The following MAP3K5 variants were observed in gnomAD, a reference collection of about 807,000 sequenced individuals.
MAP3K5 encodes mitogen-activated protein kinase kinase kinase 5.
A neutral mutation model predicts 158.7 loss-of-function variants in MAP3K5; 56 were observed. That is an observed-to-expected ratio of 0.35 (90% CI 0.28 to 0.44). The LOEUF is 0.44. MAP3K5 is among the 20% of genes least tolerant of loss of function. The probability of loss-of-function intolerance (pLI) is 1.00; values close to 1 mark genes in which losing one functional copy is unlikely to be tolerated. For missense variants in MAP3K5, 1,294 were observed against 1,674.8 expected (o/e 0.77, Z 3.97); for synonymous variants, 579 against 601.7 (o/e 0.96, Z 0.55).
intron 14 of MAP3K5, among the ~76,000 whole-genome samples, chr6:136,635,739 A>G (rs1055280959): frequency 6.6e-6 from 1 of 150,856 alleles, no homozygotes; most frequent in African/African-American, 2.4e-5. Context: ...AAAAAAAAAA[A>G]AAAAAAAAAA....
At chr6:136,610,886 G>A (rs939883517) in intron 18 of MAP3K5, among the ~76,000 whole-genome samples, 1 of 151,510 alleles carries the variant, frequency 6.6e-6, no homozygotes, top group African/African-American at 2.4e-5. Context: ...CAGGTATATC[G>A]CTTGAGCCCA....
At chr6:136,641,990 CAAAAT>C (rs1248841307) in intron 12 of MAP3K5, among the ~76,000 whole-genome samples, 31 of 93,532 alleles carry the variant, frequency 3.3e-4, no homozygotes, top group African/African-American at 1.1e-3. Flanking sequence ...CTCTGTCTCA[CAAAAT>C]AAAATAAAAT....
chr6:136,687,492 A>G lies in MAP3K5; in HGVS notation c.1253+6648T>C, dbSNP rs62422105. Among the ~76,000 whole-genome samples, 670 of 152,332 alleles carry G rather than the reference A, an allele frequency of 4.4e-3. 1 individual carries two copies. Among genetic ancestry groups the G allele is most frequent in the Non-Finnish European group, 6.1e-3 (413 of 68,028 alleles). On this transcript the variant is annotated intron_variant, in intron 7 of 29. Transcript: ENST00000359015. ...TACCATCAGAATGAACAGGAAACCT[A>G]CAGAATGGGAGAAAATTTTTGCTAT...
intron 2 of MAP3K5, among the ~76,000 whole-genome samples, chr6:136,705,690 A>C (rs1781046141): frequency 1.3e-5 from 2 of 152,194 alleles, no homozygotes; most frequent in South Asian, 4.1e-4. Flanking sequence ...CAAAACAAAA[A>C]ACCAGCACTA....
At position 136,557,499 on chromosome 6, in the gene MAP3K5, A is replaced by C. The variant is rs1304371522; in HGVS notation, c.*259T>G. 3.0e-6 allele frequency: 1 copy of C among 336,570 alleles called. No homozygotes were observed. Among genetic ancestry groups the C allele is most frequent in the African/African-American group, 2.1e-5 (1 of 46,654 alleles). 20.8% of individuals were successfully genotyped at this position (336,570 alleles called of 1,614,324 possible). A position where few individuals can be genotyped will look rare whatever the true frequency, so the allele number is the denominator to read the frequency against. On this transcript the variant is annotated 3_prime_UTR_variant, in exon 30 of 30. Coordinates refer to ENST00000359015, the MANE Select transcript of MAP3K5 (RefSeq NM_005923.4). ...ATTTCCATAAAAATGCTTAGATTAA[A>C]ATCTTCCTGAACATTAGGGTTCTAA...
rs1023432723 is a variant in MAP3K5, at chr6:136,583,710, G to A, written c.3256C>T (p.His1086Tyr). ...AGGCTTGCAATGAGGGTTGTGATGT[G>A]TTCCCATTTTAGTTTCGGTTCTTCA... ...GAEEPKLKWE[H>Y]ITTLIASLRE... is the part of the protein sequence containing the mutation. The change falls in exon 24 of 30, where the codon CAC (histidine) becomes TAC (tyrosine). Residue 1086 changes from histidine to tyrosine, a missense_variant. His to Tyr is a moderately conservative substitution (Grantham distance 83). Coordinates refer to ENST00000359015, the MANE Select transcript of MAP3K5 (RefSeq NM_005923.4). 1.9e-6 allele frequency: 3 copies of A among 1,613,930 alleles called. No homozygotes were observed. The highest frequency in any genetic ancestry group is 1.3e-5 in the African/African-American group (1 of 74,918).
At chr6:136,738,939 C>T (rs1054909083) in intron 1 of MAP3K5, among the ~76,000 whole-genome samples, 2 of 110,810 alleles carry the variant, frequency 1.8e-5, no homozygotes, top group East Asian at 2.6e-4. Flanking sequence ...CACACACACG[C>T]GTGCACACAC....
At chr6:136,666,772 A>G (rs1779247909) in intron 8 of MAP3K5, among the ~76,000 whole-genome samples, 1 of 152,186 alleles carries the variant, frequency 6.6e-6, no homozygotes, top group African/African-American at 2.4e-5. Context: ...CTATGTTTTC[A>G]TTATTGAAGG....
At chr6:136,688,648 A>G (rs143967397) in intron 7 of MAP3K5, among the ~76,000 whole-genome samples, 1 of 152,158 alleles carries the variant, frequency 6.6e-6, no homozygotes, top group Non-Finnish European at 1.5e-5. Context: ...TGAAACAAAA[A>G]CAAAACCAGA....
rs114062629 is a variant in MAP3K5 at position 136,771,840 on chromosome 6, A to G, written c.448+19870T>C. ...ATATTTTAAAATATGTTCTTTTTTG[A>G]AAATCCATGTTTCCAACCTGAGAGC... On this transcript the variant is annotated intron_variant, in intron 1 of 29. Transcript: ENST00000359015. Among the ~76,000 whole-genome samples the G allele has an allele frequency of 8.4e-3, 1,277 of 152,274 alleles. 19 individuals carry two copies. The highest frequency in any genetic ancestry group is 0.028 in the African/African-American group (1,160 of 41,550).
chr6:136,562,505 AT>A lies in MAP3K5; in HGVS notation c.3871del (p.Ile1291Ter). 1 of 1,545,486 alleles carries A rather than the reference AT, an allele frequency of 6.5e-7. No individual in the cohort carries two copies. Among genetic ancestry groups the A allele is most frequent in the Non-Finnish European group, 8.8e-7 (1 of 1,131,714 alleles). On this transcript the variant is annotated frameshift_variant, in exon 27 of 30. Transcript: ENST00000359015. LOFTEE classifies it high-confidence loss of function. Reference sequence around the variant, plus strand: ...CTATAAAACTTTCTGCTATTCACCTATGGGTTGGGACTTAAGCTTCAGGTGT... The same window carrying A: ...CTATAAAACTTTCTGCTATTCACCTAGGGTTGGGACTTAAGCTTCAGGTGT... ...IKHLKLKSQP[I>X]EIPELPVFHL...
chr6:136,733,568 A>G (rs891244513), intron 1 of MAP3K5, among the ~76,000 whole-genome samples: 2 of 152,260 alleles, frequency 1.3e-5, no homozygotes, highest in Admixed American at 6.5e-5. Context: ...AAGTTAAAAC[A>G]GAGCCTGATT....
chr6:136,661,028 C>A (rs1056089746), intron 8 of MAP3K5, among the ~76,000 whole-genome samples: 10 of 151,282 alleles, frequency 6.6e-5, no homozygotes, highest in Non-Finnish European at 1.3e-4. Context: ...GTTTTTTGAA[C>A]TGGACATTCC....
chr6:136,717,146 G>C (rs1019333910), intron 2 of MAP3K5, among the ~76,000 whole-genome samples: 1 of 150,724 alleles, frequency 6.6e-6, no homozygotes. Context: ...AAAGTGTAAT[G>C]ATCATCTTCT....
intron 14 of MAP3K5, chr6:136,637,042 A>G: frequency 8.2e-7 from 1 of 1,223,596 alleles, no homozygotes; most frequent in Non-Finnish European, 1.0e-6. Context: ...GAGAATGTGT[A>G]AGGACACCGT....
intron 7 of MAP3K5, among the ~76,000 whole-genome samples, chr6:136,692,136 G>A (rs1780415799): frequency 6.6e-6 from 1 of 151,000 alleles, no homozygotes; most frequent in South Asian, 2.1e-4. Flanking sequence ...TGAACTCCTA[G>A]GCTCAAGCCA....
At chr6:136,701,394 C>T (rs757406401) in intron 3 of MAP3K5, among the ~76,000 whole-genome samples, 2 of 152,204 alleles carry the variant, frequency 1.3e-5, no homozygotes, top group African/African-American at 2.4e-5. Flanking sequence ...GAAACCAAAC[C>T]TCACTTCCAG....
chr6:136,701,666 T>C (rs1298122394), intron 3 of MAP3K5, among the ~76,000 whole-genome samples: 1 of 152,204 alleles, frequency 6.6e-6, no homozygotes, highest in African/African-American at 2.4e-5. Flanking sequence ...TTCCAAAGCA[T>C]CTAAAGCTTC....
chr6:136,745,211 GA>G (rs1782886230), intron 1 of MAP3K5, among the ~76,000 whole-genome samples: 2 of 142,064 alleles, frequency 1.4e-5, no homozygotes, highest in South Asian at 4.5e-4. Context: ...ATCTTGTTTA[GA>G]AAAGTTCCTT....
Sources: allele counts gnomAD v4.1 joint callset (sites outside exome capture counted in the v4.1 genomes callset), GRCh38; gene constraint gnomAD v4.1.1; transcripts MANE v1.5; gene names NCBI Gene and HGNC (gene_info 2026-07-23, HGNC 2026-07-21).